AZIN2: variants seen among roughly 807,000 people sequenced by gnomAD.
AZIN2 encodes the protein antizyme inhibitor 2.
Under a neutral mutation model 47.8 loss-of-function variants are expected in AZIN2, and 28 were observed. The observed-to-expected ratio is 0.59, with a 90% CI of 0.43 to 0.80. The LOEUF (loss-of-function observed/expected upper bound fraction) is 0.80, where lower values mean the gene tolerates loss of function less well. AZIN2 is among the 30% of genes least tolerant of loss of function. The pLI, the probability that AZIN2 is intolerant of heterozygous loss-of-function variation, is 0.00. For synonymous variants in AZIN2, 221 were observed against 239.4 expected (o/e 0.92, Z 0.71); for missense variants, 535 against 582.5 (o/e 0.92, Z 0.84).
At chr1:33,094,282 G>A (rs1197074447) in intron 7 of AZIN2, among the ~76,000 whole-genome samples, 1 of 152,202 alleles carries the variant, frequency 6.6e-6, no homozygotes, top group East Asian at 1.9e-4. Context: ...AGCCAGATCT[G>A]GTTGACTTGG....
chr1:33,142,635 A>C, the AZIN2 span: 1 of 152,256 alleles, frequency 6.6e-6, no homozygotes, highest in African/African-American at 2.4e-5. Context: ...AGCTTGGCTC[A>C]CAATTGAGAC....
the AZIN2 span, among the ~76,000 whole-genome samples, chr1:33,135,897 G>A: frequency 3.3e-5 from 5 of 151,950 alleles, no homozygotes; most frequent in African/African-American, 1.2e-4. Context: ...GGGAGTGAGG[G>A]AGTGAAGAGC....
At chr1:33,115,739 G>A (rs1011470746) in intron 10 of AZIN2, among the ~76,000 whole-genome samples, 50 of 152,274 alleles carry the variant, frequency 3.3e-4, no homozygotes, top group Admixed American at 9.8e-4. Flanking sequence ...TAGTAAAAGC[G>A]TAGCTTTGCA....
intron 10 of AZIN2, among the ~76,000 whole-genome samples, chr1:33,099,936 A>G (rs986138255): frequency 1.3e-5 from 2 of 152,122 alleles, no homozygotes; most frequent in African/African-American, 4.8e-5. Context: ...TTCTTTCCCA[A>G]AGAAGGTCCC....
At chr1:33,106,825 C>T (rs1271183449) in intron 10 of AZIN2, among the ~76,000 whole-genome samples, 1 of 152,106 alleles carries the variant, frequency 6.6e-6, no homozygotes, top group Non-Finnish European at 1.5e-5. Context: ...CAACAAGGAT[C>T]CTAAGGTCAG....
In AZIN2 at chr1:33,122,744, A is replaced by C. The variant is rs556845627; in HGVS notation, c.*2562A>C. Among the ~76,000 whole-genome samples the C allele has an allele frequency of 6.6e-6, 1 of 152,244 alleles. No individual in the cohort carries two copies. The highest frequency in any genetic ancestry group is 1.9e-4 in the East Asian group (1 of 5,176). ...TTCCCTGGGGCATCACCTGAGGAAC[A>C]TCCTCTTCCCAATGCCTCCCTACAA... On this transcript the variant is annotated 3_prime_UTR_variant, in exon 12 of 12. Transcript: ENST00000294517.
chr1:33,085,010 C>A (rs771656258), intron 5 of AZIN2, among the ~76,000 whole-genome samples: 1 of 152,158 alleles, frequency 6.6e-6, no homozygotes, highest in African/African-American at 2.4e-5. Flanking sequence ...AGACTGCTGT[C>A]CTTGAGTTGA....
the AZIN2 span, among the ~76,000 whole-genome samples, chr1:33,144,247 C>T: frequency 5.9e-5 from 9 of 151,960 alleles, no homozygotes; most frequent in Admixed American, 5.9e-4. Flanking sequence ...AAGAGATTCT[C>T]CTGCCTCAGC....
the AZIN2 span, chr1:33,142,569 G>A: frequency 6.6e-6 from 1 of 152,256 alleles, no homozygotes; most frequent in Non-Finnish European, 1.5e-5. Context: ...GGGAAGGAGA[G>A]AGACTTGCTC....
intron 5 of AZIN2, among the ~76,000 whole-genome samples, chr1:33,090,630 G>A (rs1334805954): frequency 6.6e-6 from 1 of 152,190 alleles, no homozygotes; most frequent in Non-Finnish European, 1.5e-5. Context: ...ATGATGTTTT[G>A]ATATATGTAT....
At chr1:33,145,844 C>T in the AZIN2 span, 1 of 470,902 alleles carries the variant, frequency 2.1e-6, no homozygotes, top group Admixed American at 2.4e-5. Flanking sequence ...TTGCTCCACC[C>T]ACCCTAACTT....
At chr1:33,089,269 G>T (rs914843522) in intron 5 of AZIN2, among the ~76,000 whole-genome samples, 5 of 152,108 alleles carry the variant, frequency 3.3e-5, no homozygotes, top group African/African-American at 4.8e-5. Flanking sequence ...ACTGGCATAG[G>T]ATATGCCTTC....
chr1:33,099,703 C>T (rs1264026445), intron 10 of AZIN2, among the ~76,000 whole-genome samples: 2 of 152,208 alleles, frequency 1.3e-5, no homozygotes, highest in African/African-American at 4.8e-5. Context: ...GTTTGACTCT[C>T]TTTGTGGTCT....
At chr1:33,130,517 G>A in the AZIN2 span, among the ~76,000 whole-genome samples, 399 of 152,238 alleles carry the variant, frequency 2.6e-3, 5 homozygotes, top group Middle Eastern at 0.01. Flanking sequence ...AAGGACTTGA[G>A]GACTTCTAAC....
At chr1:33,090,452 C>T (rs1057444538) in intron 5 of AZIN2, among the ~76,000 whole-genome samples, 7 of 152,154 alleles carry the variant, frequency 4.6e-5, no homozygotes, top group African/African-American at 4.8e-5. Flanking sequence ...GGGCTGAGCC[C>T]GCACACCCTG....
the AZIN2 span, chr1:33,145,851 A>T: frequency 2.1e-6 from 1 of 470,826 alleles, no homozygotes; most frequent in East Asian, 6.9e-5. Context: ...ACCCACCCTA[A>T]CTTCCTTCTA....
chr1:33,097,117 C>G (rs1294495214), intron 9 of AZIN2, among the ~76,000 whole-genome samples: 2 of 152,156 alleles, frequency 1.3e-5, no homozygotes, highest in Admixed American at 1.3e-4. Context: ...AGAATAGATA[C>G]TCTGTTGACC....
chr1:33,091,954 T>G, intron 5 of AZIN2, 96 bp from the exon 6 acceptor site: 1 of 1,339,010 alleles, frequency 7.5e-7, no homozygotes, highest in Non-Finnish European at 1.0e-6. Context: ...GGCCTCCCTA[T>G]GCATAGCTAT....
chr1:33,128,489 C>T (rs1021849036), downstream of AZIN2, among the ~76,000 whole-genome samples: 17 of 152,208 alleles, frequency 1.1e-4, no homozygotes, highest in Non-Finnish European at 2.2e-4. Context: ...ATGAGGCTTA[C>T]GTATGAAGTA....
Sources: allele counts gnomAD v4.1 joint callset (sites outside exome capture counted in the v4.1 genomes callset), GRCh38; gene constraint gnomAD v4.1.1; transcripts MANE v1.5; gene names NCBI Gene and HGNC (gene_info 2026-07-23, HGNC 2026-07-21).